Variants in TRAPPC3 observed in about 807,000 individuals in gnomAD.
The protein encoded by TRAPPC3 is trafficking protein particle complex subunit 3.
A neutral mutation model predicts 18.2 loss-of-function variants in TRAPPC3; 5 were observed. That is an observed-to-expected ratio of 0.28 (90% CI 0.14 to 0.58). The LOEUF is 0.58. Ranked by LOEUF, TRAPPC3 falls within the 20% of genes least tolerant of loss-of-function variation. The pLI is 0.91. For synonymous variants in TRAPPC3, 65 were observed against 84.2 expected (o/e 0.77, Z 1.25); for missense variants, 176 against 225.9 (o/e 0.78, Z 1.41).
In TRAPPC3 at chr1:36,137,060, A is replaced by G; in HGVS notation, c.*143T>C. On this transcript the variant is annotated 3_prime_UTR_variant, in exon 5 of 5. Transcript: ENST00000373166. ...TGGACTATATCGCAGTCTGCTCTTTATTTGAATGGAGAATGGAAACAGGTT... is the reference window on the plus strand; with the variant it reads ...TGGACTATATCGCAGTCTGCTCTTTGTTTGAATGGAGAATGGAAACAGGTT... 9.7e-7 allele frequency: 1 copy of G among 1,025,714 alleles called. No homozygotes were observed. 63.5% of individuals were successfully genotyped at this position (1,025,714 alleles called of 1,614,324 possible). A position where few individuals can be genotyped will look rare whatever the true frequency, so the allele number is the denominator to read the frequency against.
At chr1:36,148,266 G>T (rs1644229385) in intron 1 of TRAPPC3, among the ~76,000 whole-genome samples, 1 of 151,924 alleles carries the variant, frequency 6.6e-6, no homozygotes, top group African/African-American at 2.4e-5. Flanking sequence ...TCGAGACCAG[G>T]CTGGCCAACA....
intron 3 of TRAPPC3, among the ~76,000 whole-genome samples, chr1:36,138,618 T>C (rs899616700): frequency 1.1e-4 from 17 of 152,296 alleles, no homozygotes; most frequent in Middle Eastern, 3.4e-3. Flanking sequence ...ATAGTAAACA[T>C]TTACTATATG....
rs1422352692 is a variant in TRAPPC3 at position 36,149,435 on chromosome 1, A to G, written c.-57T>C. The G allele has an allele frequency of 1.9e-6, 3 of 1,599,096 alleles. No homozygotes were observed. On this transcript the variant is annotated 5_prime_UTR_variant, in exon 1 of 5. Transcript: ENST00000373166. ...CACGGGTTAGCTCGGCGACCCCTGC[A>G]GACGCCGGAGCCTAAGCCGCTGCCC... is the stretch of plus-strand genomic sequence containing the variant.
chr1:36,142,019 A>G (rs1020862224), intron 1 of TRAPPC3, among the ~76,000 whole-genome samples: 4 of 151,994 alleles, frequency 2.6e-5, no homozygotes, highest in Non-Finnish European at 4.4e-5. Flanking sequence ...ATTATTGACA[A>G]AAGTAATTTG....
chr1:36,150,136 C>T (rs1644257481), upstream of TRAPPC3, among the ~76,000 whole-genome samples: 1 of 152,156 alleles, frequency 6.6e-6, no homozygotes, highest in African/African-American at 2.4e-5. Context: ...TCCCAGAAAA[C>T]AAAGATCACT....
chr1:36,155,154 G>A (rs1039247752), intron 1 of TRAPPC3, among the ~76,000 whole-genome samples: 5 of 152,178 alleles, frequency 3.3e-5, no homozygotes, highest in East Asian at 3.8e-4. Flanking sequence ...CAGGACAAAG[G>A]GCAGGGCCAG....
At chr1:36,138,873 A>G (rs1644063809) in intron 3 of TRAPPC3, among the ~76,000 whole-genome samples, 1 of 151,842 alleles carries the variant, frequency 6.6e-6, no homozygotes, top group South Asian at 2.1e-4. Context: ...TCTACTAAAA[A>G]TACAAAATTA....
In TRAPPC3 at chr1:36,136,584, T is replaced by C. The variant is rs1213188443; in HGVS notation, c.*619A>G. On this transcript the variant is annotated 3_prime_UTR_variant, in exon 5 of 5. Coordinates refer to ENST00000373166, the MANE Select transcript of TRAPPC3 (RefSeq NM_014408.5). ...AAACAGGACATGATTGGGATTTCACTCAAGAATGTGTCTTTATTGAAGAAT... is the reference window on the plus strand; with the variant it reads ...AAACAGGACATGATTGGGATTTCACCCAAGAATGTGTCTTTATTGAAGAAT... The C allele has an allele frequency of 6.6e-6, 1 of 152,628 alleles. No individual in the cohort carries two copies. Among genetic ancestry groups the C allele is most frequent in the Non-Finnish European group, 1.5e-5 (1 of 68,042 alleles). 9.5% of individuals were successfully genotyped at this position (152,628 alleles called of 1,614,324 possible).
chr1:36,138,311 A>G, intron 3 of TRAPPC3: 1 of 1,508,010 alleles, frequency 6.6e-7, no homozygotes, highest in Non-Finnish European at 8.9e-7. Context: ...TAGTCTTTCG[A>G]CACGGTGGCT....
In TRAPPC3 at chr1:36,140,173, G is replaced by C. The variant is rs772644730; in HGVS notation, c.43-7C>G. 9 of 1,568,874 alleles carry C rather than the reference G, an allele frequency of 5.7e-6. No individual in the cohort carries two copies. The South Asian group carries it at 1.1e-4, about 19-fold the overall frequency. Reference sequence around the variant, plus strand: ...GGGTGAAGAGCTCAGAGCTCTAAAAGAGATTCAAAAGGCAGTCAGGACCAA... The same window carrying C: ...GGGTGAAGAGCTCAGAGCTCTAAAACAGATTCAAAAGGCAGTCAGGACCAA... On this transcript the variant is annotated splice_region_variant and splice_polypyrimidine_tract_variant and intron_variant, in intron 1 of 4. Coordinates refer to ENST00000373166, the MANE Select transcript of TRAPPC3 (RefSeq NM_014408.5).
upstream of TRAPPC3, among the ~76,000 whole-genome samples, chr1:36,154,078 C>T (rs1177291626): frequency 6.6e-6 from 1 of 152,198 alleles, no homozygotes; most frequent in African/African-American, 2.4e-5. Context: ...GATCTTGGCT[C>T]ACTGCAACCT....
At chr1:36,151,509 G>C (rs527370253), upstream of TRAPPC3, among the ~76,000 whole-genome samples, 5 of 152,288 alleles carry the variant, frequency 3.3e-5, no homozygotes, top group African/African-American at 1.2e-4. Context: ...TACTAGGAAG[G>C]TTAAGGTGGG....
chr1:36,138,265 C>A (rs1288319258), intron 3 of TRAPPC3: 1 of 1,537,618 alleles, frequency 6.5e-7, no homozygotes, highest in East Asian at 2.4e-5. Context: ...ACAACTCACT[C>A]ACTGTGTGCT....
chr1:36,152,938 C>G (rs968953679), upstream of TRAPPC3, among the ~76,000 whole-genome samples: 61 of 152,244 alleles, frequency 4.0e-4, no homozygotes, highest in African/African-American at 1.4e-3. Context: ...GCGTGAGCCA[C>G]TGTGCCTGGC....
At chr1:36,147,365 G>A (rs1348514946) in intron 1 of TRAPPC3, among the ~76,000 whole-genome samples, 1 of 152,008 alleles carries the variant, frequency 6.6e-6, no homozygotes, top group Non-Finnish European at 1.5e-5. Flanking sequence ...AAGCTTAAAT[G>A]GAACACAGAT....
intron 1 of TRAPPC3, among the ~76,000 whole-genome samples, chr1:36,146,478 A>T (rs757746353): frequency 2.7e-5 from 4 of 149,806 alleles, no homozygotes; most frequent in Non-Finnish European, 5.9e-5. Flanking sequence ...TTGTATTTTT[A>T]GTAGAGACGG....
rs58378686 is a variant in TRAPPC3, at chr1:36,144,289, CAAAAAA to C, written c.43-4129_43-4124del. The stretch of plus-strand genomic sequence containing the variant: ...GGAGACAAGAGCGAAACCCTGTCTC[CAAAAAA>C]AAAAAAAAAAAAAAGGGAGGGCAAG... On this transcript the variant is annotated intron_variant, in intron 1 of 4. Transcript: ENST00000373166. Among the ~76,000 whole-genome samples the C allele has an allele frequency of 5.2e-5, 3 of 57,480 alleles. No individual in the cohort carries two copies. The East Asian group carries it at 1.8e-3, about 35-fold the overall frequency. The allele number at this position is 57,480 out of a possible 152,430, so 37.7% of individuals were successfully genotyped here.
intron 2 of TRAPPC3, 88 bp downstream of exon 2, chr1:36,139,981 G>C: frequency 6.8e-7 from 1 of 1,460,050 alleles, no homozygotes; most frequent in Admixed American, 2.3e-5. Context: ...GAAAGAGAGA[G>C]AACCCTGTTT....
At position 36,137,346 on chromosome 1, in the gene TRAPPC3, G is replaced by A. The variant is rs529091735; in HGVS notation, c.424-24C>T. On this transcript the variant is annotated intron_variant, in intron 4 of 4. Coordinates refer to ENST00000373166, the MANE Select transcript of TRAPPC3 (RefSeq NM_014408.5). ...ACCTGGGGGACAGTGGGAAAACGAA[G>A]GGGTAGCTGCCTGGCCACAGCCTCT... The A allele has an allele frequency of 3.6e-5, 57 of 1,598,772 alleles. No homozygotes were observed. In the Admixed American group the frequency reaches 8.4e-4, roughly 23 times the overall value.
Sources: allele counts gnomAD v4.1 joint callset (sites outside exome capture counted in the v4.1 genomes callset), GRCh38; gene constraint gnomAD v4.1.1; transcripts MANE v1.5; gene names NCBI Gene and HGNC (gene_info 2026-07-23, HGNC 2026-07-21).